The following CPS1 variants were observed in gnomAD, a reference collection of about 807,000 sequenced individuals.
CPS1 encodes carbamoyl-phosphate synthase [ammonia], mitochondrial.
A neutral mutation model predicts 174.6 loss-of-function variants in CPS1; 109 were observed. That is an observed-to-expected ratio of 0.62 (90% CI 0.53 to 0.73). The LOEUF is 0.73. Among genes scored for constraint, CPS1 ranks in the 30% least tolerant of loss-of-function variants. The probability of loss-of-function intolerance (pLI) is 0.00; values close to 1 mark genes in which losing one functional copy is unlikely to be tolerated. For synonymous variants in CPS1, 637 were observed against 632.0 expected (o/e 1.01, Z -0.12); for missense variants, 1,689 against 1,821.9 (o/e 0.93, Z 1.33).
At chr2:210,565,357 T>C (rs1443281798) in intron 1 of CPS1, among the ~76,000 whole-genome samples, 3 of 152,178 alleles carry the variant, frequency 2.0e-5, no homozygotes, top group South Asian at 2.1e-4. Context: ...TATAACCTGA[T>C]TGGCTCCCAG....
chr2:210,630,091 AC>A (rs1161924519), intron 21 of CPS1, among the ~76,000 whole-genome samples: 1 of 127,760 alleles, frequency 7.8e-6, no homozygotes, highest in Admixed American at 7.6e-5. Flanking sequence ...AAAAAACAAA[AC>A]AAAAAAAAAA....
chr2:210,478,607 T>C (rs1454558450), intron 1 of CPS1, among the ~76,000 whole-genome samples: 1 of 152,214 alleles, frequency 6.6e-6, no homozygotes, highest in Non-Finnish European at 1.5e-5. Flanking sequence ...TGAATCACAA[T>C]CTTTCATTTC....
chr2:210,655,044 C>G (rs996927330), intron 29 of CPS1, among the ~76,000 whole-genome samples: 1 of 152,058 alleles, frequency 6.6e-6, no homozygotes, highest in African/African-American at 2.4e-5. Context: ...ATACAAAGCT[C>G]AACACATTGT....
At chr2:210,543,028 A>G (rs970821344) in intron 1 of CPS1, among the ~76,000 whole-genome samples, 5 of 152,080 alleles carry the variant, frequency 3.3e-5, no homozygotes, top group African/African-American at 1.2e-4. Flanking sequence ...GGATTAAAGA[A>G]ACACTCCTTA....
intron 1 of CPS1, among the ~76,000 whole-genome samples, chr2:210,501,161 G>A (rs1395390262): frequency 6.6e-6 from 1 of 152,066 alleles, no homozygotes; most frequent in African/African-American, 2.4e-5. Context: ...ACATCGGGGG[G>A]CCCTGGACCT....
Position 210,664,500 on chromosome 2 carries a change from C to A in CPS1, c.4002+1303C>A, listed in dbSNP as rs142220703. Among the ~76,000 whole-genome samples the A allele has an allele frequency of 1.1e-4, 16 of 151,994 alleles. No homozygotes were observed. In the South Asian group the frequency reaches 3.3e-3, roughly 32 times the overall value. Reference sequence around the variant, plus strand: ...GATTACAAGCATGCACCACCACGCCCGGCTAATTTTGTATTTTTAGTAGAG... The same window carrying A: ...GATTACAAGCATGCACCACCACGCCAGGCTAATTTTGTATTTTTAGTAGAG... On this transcript the variant is annotated intron_variant, in intron 33 of 37. Transcript: ENST00000233072.
At chr2:210,651,808 C>T (rs1700567936) in intron 28 of CPS1, among the ~76,000 whole-genome samples, 1 of 152,148 alleles carries the variant, frequency 6.6e-6, no homozygotes, top group Admixed American at 6.6e-5. Flanking sequence ...CCCAATCAAT[C>T]AGTAATCTAT....
intron 1 of CPS1, among the ~76,000 whole-genome samples, chr2:210,546,954 G>A (rs376455917): frequency 6.6e-6 from 1 of 152,120 alleles, no homozygotes; most frequent in Non-Finnish European, 1.5e-5. Flanking sequence ...GTACTGAAAC[G>A]CTTTGGACTC....
intron 1 of CPS1, among the ~76,000 whole-genome samples, chr2:210,509,805 A>T (rs1291779216): frequency 6.6e-6 from 1 of 152,098 alleles, no homozygotes; most frequent in African/African-American, 2.4e-5. Context: ...AATACCTAGG[A>T]TCCAACTTAC....
intron 16 of CPS1, 30 bp downstream of exon 16, chr2:210,602,360 C>G: frequency 6.2e-7 from 1 of 1,611,608 alleles, no homozygotes; most frequent in Non-Finnish European, 8.5e-7. Context: ...ATATTCTTAC[C>G]AACCAAAAAA....
Position 210,650,382 on chromosome 2 carries a change from G to T in CPS1, c.3424G>T (p.Val1142Leu). 6 of 1,613,546 alleles carry T rather than the reference G, an allele frequency of 3.7e-6. No individual in the cohort carries two copies. The highest frequency in any genetic ancestry group is 5.1e-6 in the Non-Finnish European group (6 of 1,179,636). The change falls in exon 28 of 38, where the codon GTA (valine) becomes TTA (leucine). Residue 1142 changes from valine (V) to leucine (L), a missense_variant. Physicochemically the swap from Val to Leu is conservative, Grantham distance 32. Transcript: ENST00000233072. ...YVLSGSAMNV[V>L]FSEDEMKKFL... ...TTCCAGTGGGTCTGCTATGAATGTG[G>T]TATTCTCTGAGGATGAGATGAAAAA...
chr2:210,677,689 C>A lies in CPS1; in HGVS notation c.4405-198C>A, dbSNP rs545668345. Among the ~76,000 whole-genome samples the A allele has an allele frequency of 7.5e-4, 115 of 152,318 alleles. No individual in the cohort carries two copies. The South Asian group carries it at 0.023, about 30-fold the overall frequency. Reference sequence around the variant, plus strand: ...GGAGAAATAAGCGTATTCACAGTGACATCTGAGATATAAAAGAAAGTCCCC... The same window carrying A: ...GGAGAAATAAGCGTATTCACAGTGAAATCTGAGATATAAAAGAAAGTCCCC... On this transcript the variant is annotated intron_variant, in intron 37 of 37. Transcript: ENST00000233072.
At chr2:210,491,153 G>C (rs564243465) in intron 1 of CPS1, among the ~76,000 whole-genome samples, 1 of 152,202 alleles carries the variant, frequency 6.6e-6, no homozygotes, top group Non-Finnish European at 1.5e-5. Context: ...TTGGATAATT[G>C]ACTTGAATGA....
rs560966098 is a variant in CPS1, at chr2:210,655,729, A to G, written c.3559-796A>G. On this transcript the variant is annotated intron_variant, in intron 29 of 37. Transcript: ENST00000233072. The stretch of plus-strand genomic sequence containing the variant: ...TAAAGCACTTTGCCCAGGTCACAGA[A>G]CAGAAGGATGGAAACTCAAATGTCA... Among the ~76,000 whole-genome samples, 114 of 152,328 alleles carry G rather than the reference A, an allele frequency of 7.5e-4. 1 individual carries two copies. The highest frequency in any genetic ancestry group is 2.6e-3 in the African/African-American group (110 of 41,576).
intron 1 of CPS1, among the ~76,000 whole-genome samples, chr2:210,505,787 A>G (rs1307200213): frequency 6.6e-6 from 1 of 152,210 alleles, no homozygotes; most frequent in African/African-American, 2.4e-5. Context: ...AGACTTGCTC[A>G]TTGCTAATAC....
At chr2:210,590,352 T>G in intron 8 of CPS1, 118 bp downstream of exon 8, 1 of 1,453,318 alleles carries the variant, frequency 6.9e-7, no homozygotes, top group Non-Finnish European at 9.6e-7. Context: ...CTGGTATTTG[T>G]GACTTCTGAG....
At chr2:210,569,107 G>C (rs533099101) in intron 1 of CPS1, among the ~76,000 whole-genome samples, 24 of 152,148 alleles carry the variant, frequency 1.6e-4, no homozygotes, top group Non-Finnish European at 4.4e-5. Flanking sequence ...CTCTGTGCTA[G>C]CCACTGGTAT....
In CPS1 at chr2:210,576,140, G is replaced by A. The variant is rs190540735; in HGVS notation, c.237-206G>A. On this transcript the variant is annotated intron_variant, in intron 2 of 37. Transcript: ENST00000233072. ...TATGAAAATATACCTTGGTACTCAC[G>A]AGTTGGTTTTTCTTTATATCAATGA... Among the ~76,000 whole-genome samples the A allele has an allele frequency of 3.9e-3, 586 of 152,158 alleles. 4 individuals carry two copies. The highest frequency in any genetic ancestry group is 7.1e-3 in the Non-Finnish European group (482 of 67,984).
intron 24 of CPS1, among the ~76,000 whole-genome samples, chr2:210,641,060 G>T (rs950498015): frequency 6.6e-6 from 1 of 152,168 alleles, no homozygotes; most frequent in African/African-American, 2.4e-5. Flanking sequence ...AGGAAGGAAT[G>T]CTGTCTTTAC....
Sources: allele counts gnomAD v4.1 joint callset (sites outside exome capture counted in the v4.1 genomes callset), GRCh38; gene constraint gnomAD v4.1.1; transcripts MANE v1.5; gene names NCBI Gene and HGNC (gene_info 2026-07-23, HGNC 2026-07-21).